Variants in WDR64 observed in about 807,000 individuals in gnomAD.
WDR64 encodes WD repeat domain 64.
A neutral mutation model predicts 139.3 loss-of-function variants in WDR64; 112 were observed. That is an observed-to-expected ratio of 0.80 (90% CI 0.69 to 0.94). WDR64 has a LOEUF of 0.94. Among genes scored for constraint, WDR64 ranks in the 40% least tolerant of loss-of-function variants. The pLI, the probability that WDR64 is intolerant of heterozygous loss-of-function variation, is 0.00. For synonymous variants in WDR64, 444 were observed against 437.7 expected (o/e 1.01, Z -0.18); for missense variants, 1,206 against 1,293.1 (o/e 0.93, Z 1.03).
chr1:241,790,579 C>A lies in WDR64; in HGVS notation c.2892-12C>A. 1 of 1,598,470 alleles carries A rather than the reference C, an allele frequency of 6.3e-7. No individual in the cohort carries two copies. The highest frequency in any genetic ancestry group is 8.5e-7 in the Non-Finnish European group (1 of 1,172,412). ...TATGGGTATGTACTTATTCTTGTAT[C>A]TTTATATGCAGATGGAGAAAAATGA... is the stretch of plus-strand genomic sequence containing the variant. On this transcript the variant is annotated splice_polypyrimidine_tract_variant and intron_variant, in intron 24 of 27. Transcript: ENST00000437684.
intron 23 of WDR64, among the ~76,000 whole-genome samples, chr1:241,784,962 A>AG (rs1658985473): frequency 6.7e-6 from 1 of 149,056 alleles, no homozygotes; most frequent in Non-Finnish European, 1.5e-5. Context: ...TGAAAAAAAA[A>AG]AAAAAAAAAA....
intron 23 of WDR64, among the ~76,000 whole-genome samples, chr1:241,784,737 C>T (rs1420055267): frequency 2.0e-5 from 3 of 151,798 alleles, no homozygotes; most frequent in South Asian, 2.1e-4. Flanking sequence ...GGGTGGATCA[C>T]GAGGTCAGGA....
chr1:241,725,437 C>T (rs1018651966), intron 10 of WDR64, among the ~76,000 whole-genome samples: 2 of 151,622 alleles, frequency 1.3e-5, no homozygotes, highest in Non-Finnish European at 2.9e-5. Context: ...TCCTCGTACA[C>T]CCCCTACCCC....
Position 241,802,093 on chromosome 1 carries a change from T to C in WDR64, c.*878T>C. 1 of 397,754 alleles carries C rather than the reference T, an allele frequency of 2.5e-6. No homozygotes were observed. Among genetic ancestry groups the C allele is most frequent in the Non-Finnish European group, 4.4e-6 (1 of 225,752 alleles). 24.6% of individuals were successfully genotyped at this position (397,754 alleles called of 1,614,324 possible). A position where few individuals can be genotyped will look rare whatever the true frequency, so the allele number is the denominator to read the frequency against. On this transcript the variant is annotated 3_prime_UTR_variant, in exon 28 of 28. Transcript: ENST00000437684. Reference sequence around the variant, plus strand: ...TACACTTTAAGAAAATAAACAAGAATCTTTATAAAAGTTTTATAAAGTTAT... The same window carrying C: ...TACACTTTAAGAAAATAAACAAGAACCTTTATAAAAGTTTTATAAAGTTAT...
intron 4 of WDR64, among the ~76,000 whole-genome samples, chr1:241,675,083 CT>C (rs1666459023): frequency 3.0e-5 from 2 of 66,490 alleles, no homozygotes; most frequent in Non-Finnish European, 3.0e-5. Context: ...GCCTCCCTCC[CT>C]TCATCCTTCC....
rs1344461709 is a variant in WDR64, at chr1:241,703,998, A to G, written c.975-7804A>G. Among the ~76,000 whole-genome samples, 1 of 152,284 alleles carries G rather than the reference A, an allele frequency of 6.6e-6. No individual in the cohort carries two copies. Among genetic ancestry groups the G allele is most frequent in the East Asian group, 1.9e-4 (1 of 5,188 alleles). On this transcript the variant is annotated intron_variant, in intron 8 of 27. Coordinates refer to ENST00000437684, the MANE Select transcript of WDR64 (RefSeq NM_001367482.1). This position sits in a 1 kb window ranked among gnomAD's most constrained non-coding sequence, Gnocchi z 5.9. ...CACCTCCCACTAGGTTCCTTCCTCAATACTTGGGGATTACAATTCAAGATG... is the reference window on the plus strand; with the variant it reads ...CACCTCCCACTAGGTTCCTTCCTCAGTACTTGGGGATTACAATTCAAGATG...
intron 8 of WDR64, among the ~76,000 whole-genome samples, chr1:241,688,839 G>A (rs1253966742): frequency 6.6e-6 from 1 of 152,122 alleles, no homozygotes; most frequent in East Asian, 1.9e-4. Context: ...GCTTTTGTGA[G>A]TTTTACTTCC....
chr1:241,703,306 C>T lies in WDR64; in HGVS notation c.975-8496C>T, dbSNP rs1190275853. Among the ~76,000 whole-genome samples, 1 of 152,070 alleles carries T rather than the reference C, an allele frequency of 6.6e-6. No homozygotes were observed. The highest frequency in any genetic ancestry group is 2.4e-5 in the African/African-American group (1 of 41,400). On this transcript the variant is annotated intron_variant, in intron 8 of 27. Coordinates refer to ENST00000437684, the MANE Select transcript of WDR64 (RefSeq NM_001367482.1). The surrounding 1 kb of genome is among the most constrained non-coding windows in gnomAD (Gnocchi z 5.9). The stretch of plus-strand genomic sequence containing the variant: ...ACAACCCCTATCGTGTAACACATGC[C>T]CCCTGAAAAAAGTCACCCCTTTACC...
At chr1:241,719,795 C>CT (rs1350554865) in intron 9 of WDR64, among the ~76,000 whole-genome samples, 1 of 151,122 alleles carries the variant, frequency 6.6e-6, no homozygotes, top group Non-Finnish European at 1.5e-5. Flanking sequence ...TATTTATTTT[C>CT]TTTTTTTCCT....
At chr1:241,759,165 A>G (rs1189988051) in intron 15 of WDR64, among the ~76,000 whole-genome samples, 1 of 152,130 alleles carries the variant, frequency 6.6e-6, no homozygotes. Context: ...CTAGTTTCAG[A>G]AAACAATAAA....
In WDR64 at chr1:241,656,745, G is replaced by C. The variant is rs1388796190; in HGVS notation, c.146-3785G>C. On this transcript the variant is annotated intron_variant, in intron 1 of 27. Coordinates refer to ENST00000437684, the MANE Select transcript of WDR64 (RefSeq NM_001367482.1). This position sits in a 1 kb window ranked among gnomAD's most constrained non-coding sequence, Gnocchi z 4.3. ...GTGCGTGTGTGGAGTTGGGGGCCTA[G>C]GGTGGGGGCTGTCTTGTGCATTGTA... 6.6e-6 allele frequency among the ~76,000 whole-genome samples: 1 copy of C among 152,066 alleles called. No homozygotes were observed. Among genetic ancestry groups the C allele is most frequent in the African/African-American group, 2.4e-5 (1 of 41,382 alleles).
chr1:241,693,944 C>T (rs975350015), intron 8 of WDR64, among the ~76,000 whole-genome samples: 1 of 151,914 alleles, frequency 6.6e-6, no homozygotes. Context: ...ATGGGTGAGT[C>T]GAAAGGAGAT....
chr1:241,703,060 C>T lies in WDR64; in HGVS notation c.975-8742C>T, dbSNP rs1300519438. Among the ~76,000 whole-genome samples the T allele has an allele frequency of 6.6e-6, 1 of 152,008 alleles. No individual in the cohort carries two copies. Among genetic ancestry groups the T allele is most frequent in the Non-Finnish European group, 1.5e-5 (1 of 67,988 alleles). On this transcript the variant is annotated intron_variant, in intron 8 of 27. Transcript: ENST00000437684. This position sits in a 1 kb window ranked among gnomAD's most constrained non-coding sequence, Gnocchi z 5.9. ...GAGTTAGGGCCACTTTTTAAAAATGCCTTACCTGAGGCATTCTGAAATTTC... is the reference window on the plus strand; with the variant it reads ...GAGTTAGGGCCACTTTTTAAAAATGTCTTACCTGAGGCATTCTGAAATTTC...
chr1:241,711,701 C>T, intron 8 of WDR64, 101 bp from the exon 9 acceptor site: 1 of 1,235,686 alleles, frequency 8.1e-7, no homozygotes, highest in Non-Finnish European at 1.1e-6. Context: ...GGATTTACAA[C>T]CAACTTAGAA....
At chr1:241,712,302 T>C (rs1668203823) in intron 9 of WDR64, among the ~76,000 whole-genome samples, 1 of 151,912 alleles carries the variant, frequency 6.6e-6, no homozygotes, top group South Asian at 2.1e-4. Flanking sequence ...ACCAAAAAGG[T>C]CAAGAGCCAA....
rs111507377 is a variant in WDR64, at chr1:241,764,357, A to G, written c.1948-1861A>G. On this transcript the variant is annotated intron_variant, in intron 15 of 27. Coordinates refer to ENST00000437684, the MANE Select transcript of WDR64 (RefSeq NM_001367482.1). ...AACAGGCTACTTCCTGTTTTAGTTA[A>G]AAGATATAAGGATGACCAGGCTCAG... Among the ~76,000 whole-genome samples the G allele has an allele frequency of 3.4e-3, 523 of 152,288 alleles. 1 individual carries two copies. Among genetic ancestry groups the G allele is most frequent in the African/African-American group, 0.012 (508 of 41,558 alleles).
chr1:241,683,588 T>C lies in WDR64; in HGVS notation c.726T>C (p.Asp242=). The C allele has an allele frequency of 6.4e-7, 1 of 1,551,670 alleles. No individual in the cohort carries two copies. The highest frequency in any genetic ancestry group is 8.7e-7 in the Non-Finnish European group (1 of 1,146,998). ...GCCGAGATGACATCCTCTTGGGGGA[T>C]GATGGGGGTTTTGTGAACAGATTCA... ...HLCRDDILLG[D]DGGFVNRFTV... is the part of the protein sequence containing the mutation. Residue 242 remains aspartate (D), a synonymous_variant, in exon 7 of 28, where the codon GAT becomes GAC. Coordinates refer to ENST00000437684, the MANE Select transcript of WDR64 (RefSeq NM_001367482.1).
Position 241,716,770 on chromosome 1 carries a change from C to T in WDR64, c.1054+4889C>T, listed in dbSNP as rs142769707. ...TAATTCTGCCTCCACAAAGCCACCA[C>T]ATATGATTCCATTCCAAGCAACGAA... is the stretch of plus-strand genomic sequence containing the variant. On this transcript the variant is annotated intron_variant, in intron 9 of 27. Coordinates refer to ENST00000437684, the MANE Select transcript of WDR64 (RefSeq NM_001367482.1). Among the ~76,000 whole-genome samples, 375 of 152,232 alleles carry T rather than the reference C, an allele frequency of 2.5e-3. 2 individuals carry two copies. Among genetic ancestry groups the T allele is most frequent in the Middle Eastern group, 0.017 (5 of 294 alleles).
At chr1:241,685,398 A>T (rs536565012) in intron 7 of WDR64, among the ~76,000 whole-genome samples, 1 of 151,980 alleles carries the variant, frequency 6.6e-6, no homozygotes, top group East Asian at 1.9e-4. Context: ...TAATTTAATT[A>T]ATTTTTTATG....
Sources: gnomAD v4.1 joint callset for allele counts (sites outside exome capture counted in the v4.1 genomes callset) on GRCh38, gnomAD v4.1.1 for gene constraint, Gnocchi (gnomAD v3.1) non-coding constraint, MANE v1.5 for transcripts, NCBI Gene and HGNC (gene_info 2026-07-23, HGNC 2026-07-21) for gene names.